The following H2AZ2 variants were observed in gnomAD, a reference collection of about 807,000 sequenced individuals.
The protein encoded by H2AZ2 is histone H2A.V.
Under a neutral mutation model 15.5 loss-of-function variants are expected in H2AZ2, and 5 were observed. The observed-to-expected ratio is 0.32, with a 90% CI of 0.17 to 0.68. H2AZ2 has a LOEUF of 0.68. Ranked by LOEUF, H2AZ2 falls within the 30% of genes least tolerant of loss-of-function variation. H2AZ2 has a pLI of 0.72. For missense variants in H2AZ2, 42 were observed against 162.5 expected (o/e 0.26, Z 4.03); for synonymous variants, 44 against 57.4 (o/e 0.77, Z 1.05).
In H2AZ2 at chr7:44,832,275, C is replaced by T. The variant is rs1049804216; in HGVS notation, c.*2226G>A. On this transcript the variant is annotated 3_prime_UTR_variant, in exon 5 of 5. Transcript: ENST00000308153. ...ATCAAAAAATGTTTTAGCAGTCTTA[C>T]ACAATGGTATTGTGGTTATGTTCAA... 1.3e-5 allele frequency among the ~76,000 whole-genome samples: 2 copies of T among 152,092 alleles called. No homozygotes were observed. The highest frequency in any genetic ancestry group is 2.9e-5 in the Non-Finnish European group (2 of 68,036).
chr7:44,842,583 CCCATT>C (rs1793299614), intron 2 of H2AZ2, among the ~76,000 whole-genome samples: 1 of 152,234 alleles, frequency 6.6e-6, no homozygotes, highest in Non-Finnish European at 1.5e-5. Flanking sequence ...TCTACTCCTT[CCCATT>C]CAAGTATGTT....
chr7:44,832,384 A>G lies in H2AZ2; in HGVS notation c.*2117T>C, dbSNP rs1235815852. Among the ~76,000 whole-genome samples, 2 of 152,138 alleles carry G rather than the reference A, an allele frequency of 1.3e-5. No homozygotes were observed. The highest frequency in any genetic ancestry group is 4.8e-5 in the African/African-American group (2 of 41,438). ...TACTATGCCTGTTAATGGGACTCAA[A>G]CTGATCCCTGTGGGTTGGGGCAGGG... On this transcript the variant is annotated 3_prime_UTR_variant, in exon 5 of 5. Coordinates refer to ENST00000308153, the MANE Select transcript of H2AZ2 (RefSeq NM_012412.5).
intron 1 of H2AZ2, among the ~76,000 whole-genome samples, chr7:44,846,367 C>T (rs754946764): frequency 2.0e-5 from 3 of 152,026 alleles, no homozygotes; most frequent in Non-Finnish European, 2.9e-5. Context: ...CCTGTAATCC[C>T]AGCACTTTGT....
chr7:44,842,556 T>A (rs911843943), intron 2 of H2AZ2, among the ~76,000 whole-genome samples: 2 of 152,220 alleles, frequency 1.3e-5, no homozygotes, highest in African/African-American at 4.8e-5. Context: ...TCACCTATTT[T>A]CTGCACACAC....
chr7:44,838,105 G>A (rs916865615), intron 3 of H2AZ2, among the ~76,000 whole-genome samples: 4 of 151,718 alleles, frequency 2.6e-5, no homozygotes, highest in African/African-American at 9.7e-5. Flanking sequence ...TGAGTAGCTG[G>A]GACTATACAC....
chr7:44,847,822 C>T, intron 1 of H2AZ2, 147 bp downstream of exon 1: 2 of 1,114,844 alleles, frequency 1.8e-6, no homozygotes, highest in South Asian at 3.1e-5. Context: ...TGGGACATGG[C>T]GCCCCCCGGC....
In H2AZ2 at chr7:44,834,470, G is replaced by C. The variant is rs369459650; in HGVS notation, c.*31C>G. ...TCTGTCCCAGTTACAGTACAATGACGGGGAGGAAGAGGGTTGGTTAAAGCA... is the reference window on the plus strand; with the variant it reads ...TCTGTCCCAGTTACAGTACAATGACCGGGAGGAAGAGGGTTGGTTAAAGCA... On this transcript the variant is annotated 3_prime_UTR_variant, in exon 5 of 5. Coordinates refer to ENST00000308153, the MANE Select transcript of H2AZ2 (RefSeq NM_012412.5). The C allele has an allele frequency of 1.3e-6, 2 of 1,599,768 alleles. No homozygotes were observed. The highest frequency in any genetic ancestry group is 2.3e-5 in the South Asian group (2 of 88,784).
intron 3 of H2AZ2, 112 bp from the exon 4 acceptor site, chr7:44,835,770 T>C: frequency 1.1e-6 from 1 of 917,658 alleles, no homozygotes; most frequent in Non-Finnish European, 1.6e-6. Flanking sequence ...ACTGATAATA[T>C]ATTTTTCTTT....
chr7:44,843,487 T>C, intron 1 of H2AZ2, 133 bp from the exon 2 acceptor site: 1 of 610,290 alleles, frequency 1.6e-6, no homozygotes, highest in South Asian at 2.1e-5. Context: ...TCCTCATTTG[T>C]AAATATACAT....
At chr7:44,827,192 T>C (rs1372962353), downstream of H2AZ2, 2 of 152,374 alleles carry the variant, frequency 1.3e-5, no homozygotes, top group East Asian at 3.9e-4. Flanking sequence ...ATAACTCAAA[T>C]AGCAAAAGGT....
chr7:44,828,322 A>T (rs1284616387), downstream of H2AZ2: 1 of 152,100 alleles, frequency 6.6e-6, no homozygotes, highest in Non-Finnish European at 1.5e-5. Context: ...CTCCATTTTG[A>T]GTTTACCCTG....
At chr7:44,830,096 TA>T (rs1792979694), downstream of H2AZ2, 2 of 1,602,606 alleles carry the variant, frequency 1.2e-6, no homozygotes, top group South Asian at 1.1e-5. Context: ...CTTGTTCCAC[TA>T]AATCAGCAAA....
chr7:44,840,496 C>A (rs1018371628), intron 3 of H2AZ2, among the ~76,000 whole-genome samples: 1 of 151,954 alleles, frequency 6.6e-6, no homozygotes, highest in African/African-American at 2.4e-5. Flanking sequence ...TGAGGCCGGA[C>A]GTGGTGGCTC....
In H2AZ2 at chr7:44,832,857, A is replaced by G. The variant is rs1260457508; in HGVS notation, c.*1644T>C. Among the ~76,000 whole-genome samples, 2 of 152,136 alleles carry G rather than the reference A, an allele frequency of 1.3e-5. No individual in the cohort carries two copies. The highest frequency in any genetic ancestry group is 2.4e-5 in the African/African-American group (1 of 41,440). On this transcript the variant is annotated 3_prime_UTR_variant, in exon 5 of 5. Coordinates refer to ENST00000308153, the MANE Select transcript of H2AZ2 (RefSeq NM_012412.5). ...CCCAGCTATTTGCAGGGCTGAGGTAAGAGGATTGCTTGGGCCTGAGAGGTG... is the reference window on the plus strand; with the variant it reads ...CCCAGCTATTTGCAGGGCTGAGGTAGGAGGATTGCTTGGGCCTGAGAGGTG...
chr7:44,833,515 G>A lies in H2AZ2; in HGVS notation c.*986C>T, dbSNP rs549694413. 1.5e-4 allele frequency: 26 copies of A among 177,038 alleles called. No homozygotes were observed. The highest frequency in any genetic ancestry group is 5.5e-4 in the African/African-American group (23 of 41,984). The allele number at this position is 177,038 out of a possible 1,614,324, so 11.0% of individuals were successfully genotyped here. On this transcript the variant is annotated 3_prime_UTR_variant, in exon 5 of 5. Transcript: ENST00000308153. Reference sequence around the variant, plus strand: ...CTCCCAAAGTGCTGGGATTACAGGCGTGAGCCACCGCGCCTGGCCGAGACG... The same window carrying A: ...CTCCCAAAGTGCTGGGATTACAGGCATGAGCCACCGCGCCTGGCCGAGACG...
At chr7:44,828,780 A>G (rs1058056), downstream of H2AZ2, 101,917 of 152,064 alleles carry the variant, frequency 0.67, 37,455 homozygotes, top group Non-Finnish European at 0.84. Flanking sequence ...TTATATGCTC[A>G]GGGTCTCACC....
chr7:44,841,284 C>A (rs1793269924), intron 2 of H2AZ2, among the ~76,000 whole-genome samples: 1 of 152,024 alleles, frequency 6.6e-6, no homozygotes, highest in Non-Finnish European at 1.5e-5. Context: ...TCAACATGAC[C>A]CATGGATCAA....
At chr7:44,846,062 C>CACACACACACACACAGAGAGAGAGAG (rs57468916) in intron 1 of H2AZ2, among the ~76,000 whole-genome samples, 7 of 75,152 alleles carry the variant, frequency 9.3e-5, no homozygotes, top group Non-Finnish European at 2.2e-4. Flanking sequence ...CACACACACA[C>CACACACACACACACAGAGAGAGAGAG]AGAGAGAGAC....
At chr7:44,844,663 T>C (rs1486326735) in intron 1 of H2AZ2, among the ~76,000 whole-genome samples, 1 of 152,182 alleles carries the variant, frequency 6.6e-6, no homozygotes, top group Non-Finnish European at 1.5e-5. Context: ...CGAGTTATTG[T>C]TGAATGGGTA....
Sources: allele counts gnomAD v4.1 joint callset (sites outside exome capture counted in the v4.1 genomes callset), GRCh38; gene constraint gnomAD v4.1.1; transcripts MANE v1.5; gene names NCBI Gene and HGNC (gene_info 2026-07-23, HGNC 2026-07-21).